SERPINF1: variants seen among roughly 807,000 people sequenced by gnomAD.
The protein encoded by SERPINF1 is serpin family F member 1, also known as pigment epithelium-derived factor.
In SERPINF1, 29 loss-of-function variants were observed where a neutral mutation model predicts 37.3. That is an observed-to-expected ratio of 0.78 (90% CI 0.58 to 1.06). The LOEUF (loss-of-function observed/expected upper bound fraction) is 1.06. SERPINF1 is among the 50% of genes least tolerant of loss of function. The probability of loss-of-function intolerance (pLI) is 0.00; values close to 1 mark genes in which losing one functional copy is unlikely to be tolerated. For missense variants in SERPINF1, 553 were observed against 532.2 expected (o/e 1.04, Z -0.38); for synonymous variants, 281 against 227.9 (o/e 1.23, Z -2.10).
chr17:1,764,360 TG>T (rs1338101881), intron 1 of SERPINF1, among the ~76,000 whole-genome samples: 2 of 152,224 alleles, frequency 1.3e-5, no homozygotes, highest in Non-Finnish European at 2.9e-5. Context: ...TCCTGGCAGC[TG>T]GGTGGGGCTG....
chr17:1,768,227 C>G (rs1013727305), intron 2 of SERPINF1, among the ~76,000 whole-genome samples: 2 of 151,768 alleles, frequency 1.3e-5, no homozygotes, highest in Non-Finnish European at 2.9e-5. Context: ...GTCAGGAGAT[C>G]GAGACCATCC....
intron 2 of SERPINF1, among the ~76,000 whole-genome samples, chr17:1,769,446 A>G (rs1348952848): frequency 1.3e-5 from 2 of 150,636 alleles, no homozygotes; most frequent in African/African-American, 2.5e-5. Flanking sequence ...GTTTCGGCTT[A>G]TAGGTCACAA....
intron 3 of SERPINF1, chr17:1,770,431 A>C: frequency 3.0e-6 from 1 of 330,534 alleles, no homozygotes; most frequent in African/African-American, 2.1e-5. Flanking sequence ...GGGAACTAAT[A>C]CCAGCTCACT....
intron 1 of SERPINF1, among the ~76,000 whole-genome samples, chr17:1,764,398 A>G (rs993443649): frequency 1.3e-5 from 2 of 152,156 alleles, no homozygotes; most frequent in Non-Finnish European, 2.9e-5. Flanking sequence ...GACCAGCTGT[A>G]GGCCTGGATG....
intron 2 of SERPINF1, among the ~76,000 whole-genome samples, chr17:1,767,271 C>T (rs555719364): frequency 1.3e-5 from 2 of 152,254 alleles, no homozygotes; most frequent in African/African-American, 4.8e-5. Flanking sequence ...GCTTCCCAAG[C>T]AGCTGGGATT....
chr17:1,769,326 G>A (rs912103893), intron 2 of SERPINF1, among the ~76,000 whole-genome samples: 5 of 151,532 alleles, frequency 3.3e-5, no homozygotes, highest in Non-Finnish European at 5.9e-5. Flanking sequence ...GGAGAATGGC[G>A]TGAACCCGGG....
At position 1,777,216 on chromosome 17, in the gene SERPINF1, T is replaced by G; in HGVS notation, c.1027T>G (p.Phe343Val). Residue 343 changes from phenylalanine to valine, a missense_variant, in exon 8 of 8, where the codon TTT (phenylalanine) becomes GTT (valine). By Grantham distance (50) the Phe-to-Val change is conservative. Transcript: ENST00000254722. ...GCAATCCTTGTTTGATTCACCAGAC[T>G]TTAGCAAGATCACAGGCAAACCCAT... ...KLQSLFDSPD[F>V]SKITGKPIKL... 1 of 1,614,100 alleles carries G rather than the reference T, an allele frequency of 6.2e-7. No homozygotes were observed. The highest frequency in any genetic ancestry group is 1.1e-5 in the South Asian group (1 of 91,084).
intron 1 of SERPINF1, among the ~76,000 whole-genome samples, chr17:1,765,306 C>CTATTT (rs112497524): frequency 5.3e-5 from 8 of 151,582 alleles, no homozygotes; most frequent in Non-Finnish European, 7.4e-5. Context: ...CCATGCCTGG[C>CTATTT]TATTTTATTT....
chr17:1,775,496 A>G (rs1426058108), intron 6 of SERPINF1, among the ~76,000 whole-genome samples: 1 of 151,670 alleles, frequency 6.6e-6, no homozygotes, highest in Non-Finnish European at 1.5e-5. Context: ...CTATTTCTAG[A>G]ATTTAAAGCC....
At chr17:1,766,632 CA>C (rs1205110379) in intron 1 of SERPINF1, 9 of 355,276 alleles carry the variant, frequency 2.5e-5, no homozygotes, top group Admixed American at 4.6e-5. Flanking sequence ...TCCCCTGACG[CA>C]GACAGTGGAA....
In SERPINF1 at chr17:1,771,138, C is replaced by G. The variant is rs140801217; in HGVS notation, c.393C>G (p.Ala131=). ...TYKELLDTVT[A]PQKNLKSASR... Reference sequence around the variant, plus strand: ...AGGAGCTCCTTGACACGGTCACTGCCCCCCAGAAGAACCTCAAGAGTGCCT... The same window carrying G: ...AGGAGCTCCTTGACACGGTCACTGCGCCCCAGAAGAACCTCAAGAGTGCCT... The change falls in exon 4 of 8, where the codon GCC becomes GCG. Residue 131 remains alanine (A), a synonymous_variant. Transcript: ENST00000254722. 4.3e-6 allele frequency: 7 copies of G among 1,614,014 alleles called. No homozygotes were observed. The highest frequency in any genetic ancestry group is 1.3e-5 in the African/African-American group (1 of 74,918).
chr17:1,772,890 T>C (rs1371084890), intron 5 of SERPINF1, among the ~76,000 whole-genome samples: 1 of 152,180 alleles, frequency 6.6e-6, no homozygotes, highest in Non-Finnish European at 1.5e-5. Flanking sequence ...GTCACTATGA[T>C]GCCGAGGCTG....
At position 1,770,141 on chromosome 17, in the gene SERPINF1, G is replaced by C. The variant is rs991799310; in HGVS notation, c.283+91G>C. ...CGTGGCTGAGTTTATTGACATTTCAGTTCAGCGAGGGGTGAAGTAGCACCA... is the reference window on the plus strand; with the variant it reads ...CGTGGCTGAGTTTATTGACATTTCACTTCAGCGAGGGGTGAAGTAGCACCA... On this transcript the variant is annotated intron_variant, in intron 3 of 7. Coordinates refer to ENST00000254722, the MANE Select transcript of SERPINF1 (RefSeq NM_002615.7). 6 of 1,412,712 alleles carry C rather than the reference G, an allele frequency of 4.2e-6. No individual in the cohort carries two copies. In the African/African-American group the frequency reaches 7.1e-5, roughly 17 times the overall value. The allele number at this position is 1,412,712 out of a possible 1,614,324, so 87.5% of individuals were successfully genotyped here. A position where few individuals can be genotyped will look rare whatever the true frequency, so the allele number is the denominator to read the frequency against.
At chr17:1,769,755 C>A in intron 2 of SERPINF1, 97 bp from the exon 3 acceptor site, 1 of 1,372,760 alleles carries the variant, frequency 7.3e-7, no homozygotes, top group Non-Finnish European at 1.0e-6. Flanking sequence ...CCCCAAGGGG[C>A]CAGAACCACC....
At chr17:1,770,240 C>G (rs1349019618) in intron 3 of SERPINF1, among the ~76,000 whole-genome samples, 190 bp downstream of exon 3, 2 of 152,154 alleles carry the variant, frequency 1.3e-5, no homozygotes, top group African/African-American at 4.8e-5. Context: ...CCCAGCTCCC[C>G]GAAAGGGGCT....
intron 5 of SERPINF1, among the ~76,000 whole-genome samples, chr17:1,772,932 C>T (rs1261158928): frequency 6.6e-6 from 1 of 152,190 alleles, no homozygotes; most frequent in Admixed American, 6.6e-5. Context: ...GTGATCCTCC[C>T]ACCTCGGCCT....
rs368904268 is a variant in SERPINF1 at position 1,772,718 on chromosome 17, CCTA to C, written c.643+647_643+649del. Among the ~76,000 whole-genome samples the C allele has an allele frequency of 4.8e-4, 72 of 151,146 alleles. 1 individual carries two copies. Among genetic ancestry groups the C allele is most frequent in the Non-Finnish European group, 2.7e-4 (18 of 67,910 alleles). On this transcript the variant is annotated intron_variant, in intron 5 of 7. Coordinates refer to ENST00000254722, the MANE Select transcript of SERPINF1 (RefSeq NM_002615.7). ...GGACTACAGGCGCCCGCCACTGCGC[CCTA>C]CTAATTTTTTGTATTTTTAGTAGAG... is the stretch of plus-strand genomic sequence containing the variant.
intron 5 of SERPINF1, 118 bp downstream of exon 5, chr17:1,772,193 T>G: frequency 9.1e-7 from 1 of 1,099,018 alleles, no homozygotes; most frequent in Non-Finnish European, 1.3e-6. Flanking sequence ...CTCAGCTCAA[T>G]GCAACCTCCG....
At chr17:1,770,854 T>G (rs766094342) in intron 3 of SERPINF1, 175 bp from the exon 4 acceptor site, 1 of 783,166 alleles carries the variant, frequency 1.3e-6, no homozygotes, top group Admixed American at 1.9e-5. Flanking sequence ...TTTAACCTAC[T>G]TCAGGAAAAT....
Sources: allele counts gnomAD v4.1 joint callset (sites outside exome capture counted in the v4.1 genomes callset), GRCh38; gene constraint gnomAD v4.1.1; transcripts MANE v1.5; gene names NCBI Gene and HGNC (gene_info 2026-07-23, HGNC 2026-07-21).